The following SP140 variants were observed in gnomAD, a reference collection of about 807,000 sequenced individuals.
The protein encoded by SP140 is nuclear body protein SP140.
Under a neutral mutation model 125.0 loss-of-function variants are expected in SP140, and 81 were observed. That is an observed-to-expected ratio of 0.65 (90% CI 0.54 to 0.78). SP140 has a LOEUF of 0.78. Among genes scored for constraint, SP140 ranks in the 30% least tolerant of loss-of-function variants. SP140 has a pLI of 0.00. For missense variants in SP140, 858 were observed against 1,037.0 expected, an observed-to-expected ratio of 0.83 and a Z score of 2.37; for synonymous variants, 312 against 354.0, an observed-to-expected ratio of 0.88 and a Z score of 1.33.
rs544757077 is a variant in SP140 at position 230,253,276 on chromosome 2, A to C, written c.1058-40A>C. On this transcript the variant is annotated intron_variant, in intron 10 of 26. Transcript: ENST00000392045. ...TTCCCATCTTGGATGGCGTGAATGC[A>C]CTGAGGTCTGTGTCCAAGTCACCCT... 12 of 1,434,946 alleles carry C rather than the reference A, an allele frequency of 8.4e-6. No homozygotes were observed. In the East Asian group the frequency reaches 2.7e-4, roughly 33 times the overall value. The allele number at this position is 1,434,946 out of a possible 1,614,324, so 88.9% of individuals were successfully genotyped here.
chr2:230,228,020 C>G (rs2046712126), intron 1 of SP140, among the ~76,000 whole-genome samples: 1 of 151,888 alleles, frequency 6.6e-6, no homozygotes. Context: ...TTAGATCTTT[C>G]TTCTTTTCTA....
chr2:230,238,243 C>T lies in SP140; in HGVS notation c.268C>T (p.Pro90Ser), dbSNP rs564359246. 6.3e-7 allele frequency: 1 copy of T among 1,598,794 alleles called. No homozygotes were observed. Among genetic ancestry groups the T allele is most frequent in the Non-Finnish European group, 8.5e-7 (1 of 1,174,190 alleles). ...HFQEAFRNLV[P>S]VTRVMYCVLS... The stretch of plus-strand genomic sequence containing the variant: ...TCAAGAAGCTTTTAGAAACCTGGTC[C>T]CAGTGACAAGAGTGATGTATTGTGT... Residue 90 changes from proline (P) to serine (S), a missense_variant, in exon 3 of 27, where the codon CCA becomes TCA. By Grantham distance (74) the Pro-to-Ser change is moderately conservative. Transcript: ENST00000392045.
At chr2:230,251,645 T>C (rs62193147) in intron 10 of SP140, among the ~76,000 whole-genome samples, 16,242 of 152,186 alleles carry the variant, frequency 0.11, 984 homozygotes, top group Non-Finnish European at 0.13. Flanking sequence ...TATTACAAAC[T>C]TGACAAAGCC....
chr2:230,214,185 C>T (rs1033114848), intron 3 of SP140: 14 of 152,270 alleles, frequency 9.2e-5, no homozygotes, highest in African/African-American at 3.4e-4. Flanking sequence ...TGTTCTTTTT[C>T]CTACTCCTTT....
chr2:230,295,588 A>G (rs748753545), intron 21 of SP140, among the ~76,000 whole-genome samples: 2 of 152,198 alleles, frequency 1.3e-5, no homozygotes, highest in African/African-American at 2.4e-5. Context: ...ATGGGGGAGA[A>G]CAGAAGGTCC....
chr2:230,251,841 GTTA>G (rs2050414468), intron 10 of SP140, among the ~76,000 whole-genome samples: 1 of 152,120 alleles, frequency 6.6e-6, no homozygotes, highest in African/African-American at 2.4e-5. Context: ...GGAAAGTGCT[GTTA>G]TTGTTGTTTT....
chr2:230,265,072 G>A (rs1210030722), intron 12 of SP140, among the ~76,000 whole-genome samples: 1 of 152,052 alleles, frequency 6.6e-6, no homozygotes, highest in Admixed American at 6.6e-5. Flanking sequence ...GGTGGATAAG[G>A]AAGAGCCGTC....
At chr2:230,269,010 T>C (rs918750570) in intron 12 of SP140, among the ~76,000 whole-genome samples, 1 of 152,152 alleles carries the variant, frequency 6.6e-6, no homozygotes, top group Admixed American at 6.5e-5. Context: ...AACTGCAGTT[T>C]TATAGAGAGT....
chr2:230,306,222 C>A (rs2058749239), intron 22 of SP140, among the ~76,000 whole-genome samples: 1 of 152,214 alleles, frequency 6.6e-6, no homozygotes, highest in Admixed American at 6.5e-5. Flanking sequence ...CTATCACAGC[C>A]TGGACCTCTT....
At chr2:230,261,684 T>C (rs1452280094) in intron 12 of SP140, among the ~76,000 whole-genome samples, 2 of 152,214 alleles carry the variant, frequency 1.3e-5, no homozygotes, top group African/African-American at 2.4e-5. Flanking sequence ...TTTTGTTGAA[T>C]GCTTTTTCTG....
chr2:230,262,779 T>C (rs2052488301), intron 12 of SP140, among the ~76,000 whole-genome samples: 1 of 152,196 alleles, frequency 6.6e-6, no homozygotes. Context: ...GAGGTGCCTT[T>C]TGGAGTTGAT....
At chr2:230,269,778 CAGAAAAT>C in intron 13 of SP140, 52 bp from the exon 14 acceptor site, 1 of 1,355,388 alleles carries the variant, frequency 7.4e-7, no homozygotes, top group South Asian at 1.2e-5. Context: ...AACAAGGGTG[CAGAAAAT>C]AGAGTCACTG....
At chr2:230,260,979 G>A (rs1387516174) in intron 12 of SP140, among the ~76,000 whole-genome samples, 1 of 152,036 alleles carries the variant, frequency 6.6e-6, no homozygotes, top group Non-Finnish European at 1.5e-5. Flanking sequence ...CTGTGAAGAA[G>A]ATGGTGGTAT....
chr2:230,186,665 T>C, the SP140 span, among the ~76,000 whole-genome samples: 4,320 of 152,172 alleles, frequency 0.028, 213 homozygotes, highest in African/African-American at 0.099. Context: ...TCCGTCCCTC[T>C]CCTTTCTGAG....
the SP140 span, among the ~76,000 whole-genome samples, chr2:230,187,994 T>C: frequency 6.6e-6 from 1 of 152,186 alleles, no homozygotes; most frequent in African/African-American, 2.4e-5. Flanking sequence ...TGGTTCCATA[T>C]GAATTTTAAG....
At chr2:230,279,147 C>T (rs1446824111) in intron 15 of SP140, among the ~76,000 whole-genome samples, 1 of 151,886 alleles carries the variant, frequency 6.6e-6, no homozygotes, top group Non-Finnish European at 1.5e-5. Flanking sequence ...AAAACTATGA[C>T]ATTGATGAAA....
In SP140 at chr2:230,269,940, G is replaced by A. The variant is rs182891771; in HGVS notation, c.1431G>A (p.Ala477=). ...AAGCAAGGACGGAAAGTGATCAAGC[G>A]TGTGGCACAATGGGTAAGGCTGTCT... ...SPEARTESDQ[A]CGTMDTVDIA... The change falls in exon 14 of 27, where the codon GCG becomes GCA. Residue 477 remains alanine, a synonymous_variant. Transcript: ENST00000392045. 81 of 1,613,148 alleles carry A rather than the reference G, an allele frequency of 5.0e-5. No homozygotes were observed. Among genetic ancestry groups the A allele is most frequent in the Middle Eastern group, 1.7e-4 (1 of 6,058 alleles).
chr2:230,274,462 T>TC (rs2054413601), intron 15 of SP140, among the ~76,000 whole-genome samples: 1 of 152,014 alleles, frequency 6.6e-6, no homozygotes, highest in African/African-American at 2.4e-5. Context: ...GATGCAGGGG[T>TC]CCATCAACTA....
intron 3 of SP140, chr2:230,216,726 A>G (rs1453208826): frequency 1.9e-6 from 3 of 1,604,260 alleles, no homozygotes; most frequent in Non-Finnish European, 2.6e-6. Context: ...AGACTTTAAT[A>G]ATCAGGCATA....
Sources: gnomAD v4.1 joint callset for allele counts (sites outside exome capture counted in the v4.1 genomes callset) on GRCh38, gnomAD v4.1.1 for gene constraint, MANE v1.5 for transcripts, NCBI Gene and HGNC (gene_info 2026-07-23, HGNC 2026-07-21) for gene names.